DNAJC3: variants seen among roughly 807,000 people sequenced by gnomAD.
The protein encoded by DNAJC3 is dnaJ homolog subfamily C member 3.
In DNAJC3, 38 loss-of-function variants were observed where a neutral mutation model predicts 68.6. That is an observed-to-expected ratio of 0.55 (90% confidence interval 0.43 to 0.73). DNAJC3 has a LOEUF of 0.73. Among genes scored for constraint, DNAJC3 ranks in the 30% least tolerant of loss-of-function variants. The pLI is 0.00. For synonymous variants in DNAJC3, 203 were observed against 204.0 expected, an observed-to-expected ratio of 1.00 and a Z score of 0.04; for missense variants, 526 against 591.9, an observed-to-expected ratio of 0.89 and a Z score of 1.16.
intron 4 of DNAJC3, among the ~76,000 whole-genome samples, chr13:95,754,457 T>C (rs1007255098): frequency 1.3e-5 from 2 of 152,150 alleles, no homozygotes; most frequent in Non-Finnish European, 2.9e-5. Context: ...TTTAACAAAC[T>C]TTTATACTGC....
chr13:95,691,460 G>A (rs1178850686), intron 1 of DNAJC3, among the ~76,000 whole-genome samples: 11 of 151,904 alleles, frequency 7.2e-5, no homozygotes, highest in African/African-American at 1.7e-4. Flanking sequence ...GACGATGGGC[G>A]GCCGGGCAGA....
chr13:95,726,544 A>G (rs1458612227), intron 4 of DNAJC3, among the ~76,000 whole-genome samples: 1 of 152,196 alleles, frequency 6.6e-6, no homozygotes, highest in Non-Finnish European at 1.5e-5. Context: ...CATTCTTAAA[A>G]GGGAATTTTG....
At chr13:95,698,538 G>A (rs1283922906) in intron 1 of DNAJC3, among the ~76,000 whole-genome samples, 1 of 152,240 alleles carries the variant, frequency 6.6e-6, no homozygotes, top group Admixed American at 6.5e-5. Context: ...TGGACAGGGA[G>A]GAATGTGATG....
intron 1 of DNAJC3, among the ~76,000 whole-genome samples, chr13:95,699,984 A>T (rs1880543043): frequency 6.6e-6 from 1 of 152,092 alleles, no homozygotes; most frequent in Admixed American, 6.6e-5. Context: ...CACCAGGCTC[A>T]TTTTTAAAAT....
At chr13:95,687,092 T>C (rs1880092653) in intron 1 of DNAJC3, among the ~76,000 whole-genome samples, 1 of 152,198 alleles carries the variant, frequency 6.6e-6, no homozygotes, top group Non-Finnish European at 1.5e-5. Context: ...TTCACCTCCT[T>C]GGTCAGTGTT....
chr13:95,756,960 G>C (rs1283573337), intron 4 of DNAJC3, among the ~76,000 whole-genome samples: 1 of 152,036 alleles, frequency 6.6e-6, no homozygotes, highest in Non-Finnish European at 1.5e-5. Context: ...GCACAACTTG[G>C]TAAATTTATT....
chr13:95,742,500 G>C, intron 4 of DNAJC3: 2 of 419,298 alleles, frequency 4.8e-6, no homozygotes, highest in Non-Finnish European at 9.3e-6. Context: ...CTCCAGCTAG[G>C]ATTGGAGGAG....
chr13:95,783,565 T>G (rs1883512459), intron 9 of DNAJC3, among the ~76,000 whole-genome samples: 1 of 152,182 alleles, frequency 6.6e-6, no homozygotes, highest in Admixed American at 6.5e-5. Context: ...TGGGAGAAGT[T>G]TTTTATGTCC....
chr13:95,691,951 A>G (rs1880281219), intron 1 of DNAJC3, among the ~76,000 whole-genome samples: 1 of 152,190 alleles, frequency 6.6e-6, no homozygotes, highest in South Asian at 2.1e-4. Flanking sequence ...GGCACTGGGC[A>G]GGTTGAGGCA....
At chr13:95,728,805 T>C (rs916340568) in intron 4 of DNAJC3, among the ~76,000 whole-genome samples, 14 of 152,210 alleles carry the variant, frequency 9.2e-5, no homozygotes, top group African/African-American at 2.9e-4. Flanking sequence ...CATTTCTGTG[T>C]GTTGGGAACA....
intron 2 of DNAJC3, among the ~76,000 whole-genome samples, chr13:95,709,916 G>A (rs1432987134): frequency 6.6e-6 from 1 of 152,190 alleles, no homozygotes; most frequent in Non-Finnish European, 1.5e-5. Flanking sequence ...TGGGATTACA[G>A]GCGTGAGCCA....
intron 1 of DNAJC3, chr13:95,693,624 G>A (rs1173598480): frequency 2.0e-5 from 3 of 152,116 alleles, no homozygotes; most frequent in Non-Finnish European, 1.5e-5. Context: ...TGCTAGCAAT[G>A]GAGCTCAGTC....
chr13:95,752,800 C>T (rs7993991), intron 4 of DNAJC3, among the ~76,000 whole-genome samples: 11,623 of 152,204 alleles, frequency 0.076, 571 homozygotes, highest in East Asian at 0.14. Flanking sequence ...TTGAGAATCA[C>T]TGCTACAGTG....
chr13:95,761,469 T>C (rs1183800121), intron 7 of DNAJC3, among the ~76,000 whole-genome samples: 1 of 152,196 alleles, frequency 6.6e-6, no homozygotes, highest in African/African-American at 2.4e-5. Context: ...TTAGTAGCTT[T>C]GTAAGTTGCC....
chr13:95,792,053 T>TCCCAC lies in DNAJC3; in HGVS notation c.*1023_*1024insCCCAC. 6.6e-6 allele frequency: 1 copy of TCCCAC among 152,220 alleles called. No individual in the cohort carries two copies. Among genetic ancestry groups the TCCCAC allele is most frequent in the South Asian group, 2.1e-4 (1 of 4,832 alleles). 9.4% of individuals were successfully genotyped at this position (152,220 alleles called of 1,614,324 possible). On this transcript the variant is annotated 3_prime_UTR_variant, in exon 12 of 12. Coordinates refer to ENST00000602402, the MANE Select transcript of DNAJC3 (RefSeq NM_006260.5). ...TCTGTGGTGCCTCCCACGTGGGACC[T>TCCCAC]GTCTGCTGGTATGTGTTAAACAGCA...
chr13:95,749,114 T>G (rs1882397031), intron 4 of DNAJC3, among the ~76,000 whole-genome samples: 1 of 152,262 alleles, frequency 6.6e-6, no homozygotes, highest in Non-Finnish European at 1.5e-5. Flanking sequence ...TATAACAATA[T>G]TTTTAATTTA....
intron 9 of DNAJC3, among the ~76,000 whole-genome samples, chr13:95,778,405 T>C (rs1883345587): frequency 6.6e-6 from 1 of 152,198 alleles, no homozygotes; most frequent in Non-Finnish European, 1.5e-5. Context: ...ATTGAAGCAT[T>C]ATCCACAAAA....
At chr13:95,701,588 C>G (rs1880587334) in intron 1 of DNAJC3, among the ~76,000 whole-genome samples, 1 of 152,158 alleles carries the variant, frequency 6.6e-6, no homozygotes, top group African/African-American at 2.4e-5. Flanking sequence ...GAAATCTACT[C>G]TGGAGATTTA....
chr13:95,730,231 T>G (rs1329068751), intron 4 of DNAJC3, among the ~76,000 whole-genome samples: 1 of 152,154 alleles, frequency 6.6e-6, no homozygotes, highest in Non-Finnish European at 1.5e-5. Flanking sequence ...TGGCCTCAAG[T>G]GATTCTCCCA....
Sources: allele counts gnomAD v4.1 joint callset (sites outside exome capture counted in the v4.1 genomes callset), GRCh38; gene constraint gnomAD v4.1.1; transcripts MANE v1.5; gene names NCBI Gene and HGNC (gene_info 2026-07-23, HGNC 2026-07-21).